The following GABRA2 variants were observed in gnomAD, a reference collection of about 807,000 sequenced individuals.
GABRA2 encodes the protein gamma-aminobutyric acid receptor subunit alpha-2.
GABRA2 carries 16 observed loss-of-function variants against 48.7 expected under a neutral mutation model. The ratio of observed to expected loss-of-function variants is 0.33; its 90% CI spans 0.22 to 0.50. The LOEUF is 0.50. GABRA2 is among the 20% of genes least tolerant of loss of function. The pLI is 0.98. For synonymous variants in GABRA2, 185 were observed against 184.5 expected, an observed-to-expected ratio of 1.00 and a Z score of -0.02; for missense variants, 275 against 535.6, an observed-to-expected ratio of 0.51 and a Z score of 4.80.
intron 3 of GABRA2, among the ~76,000 whole-genome samples, chr4:46,335,979 A>G (rs1342497834): frequency 6.6e-6 from 1 of 151,782 alleles, no homozygotes; most frequent in Non-Finnish European, 1.5e-5. Context: ...TTTTTATGGG[A>G]CCTTTCAACT....
chr4:46,374,162 T>C (rs1469466472), intron 3 of GABRA2, among the ~76,000 whole-genome samples: 1 of 152,154 alleles, frequency 6.6e-6, no homozygotes, highest in Non-Finnish European at 1.5e-5. Flanking sequence ...AAAAAATGCA[T>C]GTAACTGAAA....
chr4:46,309,420 T>C (rs1188239962), intron 6 of GABRA2, among the ~76,000 whole-genome samples: 4 of 152,002 alleles, frequency 2.6e-5, no homozygotes, highest in African/African-American at 9.7e-5. Flanking sequence ...GAGCACAGTC[T>C]CTAAAAAGGT....
chr4:46,388,739 A>G (rs751511304), intron 1 of GABRA2, 23 bp from the exon 2 acceptor site: 4 of 1,613,210 alleles, frequency 2.5e-6, no homozygotes, highest in Middle Eastern at 3.3e-4. Flanking sequence ...ATGGAATGAA[A>G]AACAAAATAC....
intron 3 of GABRA2, among the ~76,000 whole-genome samples, chr4:46,376,469 G>A (rs1715716566): frequency 6.6e-6 from 1 of 152,154 alleles, no homozygotes; most frequent in Non-Finnish European, 1.5e-5. Context: ...AACAGCCAAA[G>A]TAAGCATCCC....
At chr4:46,369,508 C>A (rs956692463) in intron 3 of GABRA2, among the ~76,000 whole-genome samples, 3 of 151,644 alleles carry the variant, frequency 2.0e-5, no homozygotes, top group Admixed American at 2.0e-4. Flanking sequence ...TGCAGCTTGA[C>A]AAATACAGAT....
chr4:46,286,092 A>G (rs891503939), intron 8 of GABRA2, among the ~76,000 whole-genome samples: 1 of 152,028 alleles, frequency 6.6e-6, no homozygotes, highest in African/African-American at 2.4e-5. Flanking sequence ...CTCTGTCTCT[A>G]TTAAGTAATC....
chr4:46,290,353 CTCT>C (rs1723400277), intron 8 of GABRA2, among the ~76,000 whole-genome samples: 2 of 151,430 alleles, frequency 1.3e-5, no homozygotes, highest in Non-Finnish European at 2.9e-5. Context: ...ATCTGTAGAT[CTCT>C]TTTGAGATTA....
At position 46,388,633 on chromosome 4, in the gene GABRA2, C is replaced by T. The variant is rs377298527; in HGVS notation, c.71+3G>A. ...AAATAGTCAAATACAATAAATATCT[C>T]ACCTGGCAGGGTCCCACACCAAGAA... is the stretch of plus-strand genomic sequence containing the variant. On this transcript the variant is annotated splice_donor_region_variant and intron_variant, in intron 2 of 9. Coordinates refer to ENST00000381620, the MANE Select transcript of GABRA2 (RefSeq NM_000807.4). 2 of 1,614,048 alleles carry T rather than the reference C, an allele frequency of 1.2e-6. No individual in the cohort carries two copies. Among genetic ancestry groups the T allele is most frequent in the Non-Finnish European group, 1.7e-6 (2 of 1,179,978 alleles).
At chr4:46,332,727 G>C in intron 3 of GABRA2, 45 bp from the exon 4 acceptor site, 1 of 1,136,780 alleles carries the variant, frequency 8.8e-7, no homozygotes. Context: ...TATAATAAGA[G>C]CCACAGGAGA....
chr4:46,287,687 A>T (rs1560479536), intron 8 of GABRA2, among the ~76,000 whole-genome samples: 1 of 149,916 alleles, frequency 6.7e-6, no homozygotes, highest in Non-Finnish European at 1.5e-5. Flanking sequence ...ATAGATGACG[A>T]GTTAGTGGGT....
intron 8 of GABRA2, among the ~76,000 whole-genome samples, chr4:46,273,518 T>A (rs1450907755): frequency 2.9e-5 from 1 of 33,970 alleles, no homozygotes; most frequent in Non-Finnish European, 5.7e-5. Context: ...TATATATATA[T>A]ATATATATAT....
At chr4:46,263,984 G>T (rs1717584423) in intron 8 of GABRA2, among the ~76,000 whole-genome samples, 2 of 147,690 alleles carry the variant, frequency 1.4e-5, no homozygotes, top group African/African-American at 5.0e-5. Context: ...TTTATTTAGG[G>T]CTTCTTTAAT....
At chr4:46,321,551 A>G (rs1262165965) in intron 4 of GABRA2, among the ~76,000 whole-genome samples, 1 of 152,082 alleles carries the variant, frequency 6.6e-6, no homozygotes, top group Non-Finnish European at 1.5e-5. Context: ...CATATTAAGT[A>G]ATAAGAAATA....
intron 8 of GABRA2, among the ~76,000 whole-genome samples, chr4:46,265,386 A>ATATATATATAATATATTGTG (rs1198052039): frequency 2.8e-5 from 3 of 106,020 alleles, no homozygotes; most frequent in African/African-American, 1.7e-4. Context: ...TGTGTACACA[A>ATATATATATAATATATTGTG]TATATATATA....
At chr4:46,328,940 A>G (rs746081347) in intron 4 of GABRA2, among the ~76,000 whole-genome samples, 1 of 152,070 alleles carries the variant, frequency 6.6e-6, no homozygotes, top group Admixed American at 6.6e-5. Context: ...CATAAAATGT[A>G]TATTTTTTTA....
chr4:46,356,987 TTTTTG>T (rs1465711483), intron 3 of GABRA2, among the ~76,000 whole-genome samples: 4 of 151,538 alleles, frequency 2.6e-5, no homozygotes, highest in Admixed American at 6.6e-5. Flanking sequence ...GTTTGTTTTT[TTTTTG>T]TTTTGTTTTG....
At chr4:46,321,847 AT>A (rs1416398937) in intron 4 of GABRA2, among the ~76,000 whole-genome samples, 1 of 152,010 alleles carries the variant, frequency 6.6e-6, no homozygotes. Context: ...ACAACCAGCA[AT>A]TAAAGGTCAT....
chr4:46,320,860 C>T (rs953883521), intron 4 of GABRA2, among the ~76,000 whole-genome samples: 1 of 151,762 alleles, frequency 6.6e-6, no homozygotes, highest in Admixed American at 6.6e-5. Context: ...ATGTTAAAAG[C>T]AGAATCTTTC....
intron 8 of GABRA2, among the ~76,000 whole-genome samples, chr4:46,286,433 C>A (rs1019947781): frequency 6.6e-6 from 1 of 151,988 alleles, no homozygotes; most frequent in African/African-American, 2.4e-5. Flanking sequence ...TCTGTGTGAA[C>A]ATATATTTTT....
Sources: allele counts gnomAD v4.1 joint callset (sites outside exome capture counted in the v4.1 genomes callset), GRCh38; gene constraint gnomAD v4.1.1; transcripts MANE v1.5; gene names NCBI Gene and HGNC (gene_info 2026-07-23, HGNC 2026-07-21).